The following PTPRG variants were observed in gnomAD, a reference collection of about 807,000 sequenced individuals.
The protein encoded by PTPRG is receptor-type tyrosine-protein phosphatase gamma.
Under a neutral mutation model 165.3 loss-of-function variants are expected in PTPRG, and 102 were observed. The observed-to-expected ratio is 0.62, with a 90% CI of 0.53 to 0.73. The LOEUF (loss-of-function observed/expected upper bound fraction) is 0.73. PTPRG is among the 30% of genes least tolerant of loss of function. PTPRG has a pLI of 0.00. For synonymous variants in PTPRG, 675 were observed against 669.5 expected, an observed-to-expected ratio of 1.01 and a Z score of -0.13; for missense variants, 1,866 against 1,861.4, an observed-to-expected ratio of 1.00 and a Z score of -0.05.
chr3:61,742,749 A>C, intron 1 of PTPRG: 1 of 1,611,412 alleles, frequency 6.2e-7, no homozygotes, highest in South Asian at 1.1e-5. Context: ...GGATTCGTGG[A>C]ATCTGCTTGA....
At chr3:61,990,663 T>C (rs1237099761) in intron 3 of PTPRG, among the ~76,000 whole-genome samples, 6 of 152,240 alleles carry the variant, frequency 3.9e-5, no homozygotes, top group Admixed American at 3.9e-4. Context: ...GTTCTGTTGA[T>C]GCCTAAAGAT....
At chr3:61,960,668 G>A (rs541933756) in intron 2 of PTPRG, among the ~76,000 whole-genome samples, 2 of 152,142 alleles carry the variant, frequency 1.3e-5, no homozygotes, top group South Asian at 2.1e-4. Flanking sequence ...GGGGTTTTTT[G>A]ATGAGTAGGT....
At chr3:61,915,677 CTATTT>C (rs1559686404) in intron 2 of PTPRG, among the ~76,000 whole-genome samples, 3 of 151,464 alleles carry the variant, frequency 2.0e-5, no homozygotes, top group Non-Finnish European at 4.4e-5. Context: ...TTTCTTCTTT[CTATTT>C]TATTTTTTTG....
intron 2 of PTPRG, chr3:61,771,087 G>C (rs137975247): frequency 2.0e-5 from 3 of 152,200 alleles, no homozygotes; most frequent in East Asian, 3.9e-4. Context: ...GGAGTGGTCC[G>C]CAAGGTGAGG....
At chr3:61,723,032 T>G (rs1403285704) in intron 1 of PTPRG, among the ~76,000 whole-genome samples, 2 of 152,154 alleles carry the variant, frequency 1.3e-5, no homozygotes, top group African/African-American at 4.8e-5. Context: ...GACCCAACCC[T>G]AGGTTAGAAC....
At chr3:61,727,466 A>G (rs2106817270) in intron 1 of PTPRG, among the ~76,000 whole-genome samples, 1 of 152,360 alleles carries the variant, frequency 6.6e-6, no homozygotes, top group Non-Finnish European at 1.5e-5. Flanking sequence ...TCAAAAAGTT[A>G]AAACCATGGA....
At position 62,269,304 on chromosome 3, in the gene PTPRG, T is replaced by G; in HGVS notation, c.3009+135T>G. The G allele has an allele frequency of 3.2e-6, 3 of 934,496 alleles. No individual in the cohort carries two copies. The South Asian group carries it at 7.5e-5, about 23-fold the overall frequency. 57.9% of individuals were successfully genotyped at this position (934,496 alleles called of 1,614,324 possible). A position where few individuals can be genotyped will look rare whatever the true frequency, so the allele number is the denominator to read the frequency against. On this transcript the variant is annotated intron_variant, in intron 20 of 29. Coordinates refer to ENST00000474889, the MANE Select transcript of PTPRG (RefSeq NM_002841.4). ...TTTTTAAAACATTTTTTCATAACTC[T>G]TTTGATTGACATCAGTGTATGGTGT... is the stretch of plus-strand genomic sequence containing the variant.
intron 4 of PTPRG, among the ~76,000 whole-genome samples, chr3:62,020,669 A>C (rs2041667962): frequency 6.6e-6 from 1 of 152,118 alleles, no homozygotes; most frequent in South Asian, 2.1e-4. Flanking sequence ...CCAGGCCAGC[A>C]GCAAGTACTT....
chr3:62,231,328 C>A lies in PTPRG; in HGVS notation c.2375+17C>A. The A allele has an allele frequency of 6.5e-7, 1 of 1,546,224 alleles. No homozygotes were observed. Among genetic ancestry groups the A allele is most frequent in the Non-Finnish European group, 8.7e-7 (1 of 1,147,702 alleles). On this transcript the variant is annotated intron_variant, in intron 14 of 29. Coordinates refer to ENST00000474889, the MANE Select transcript of PTPRG (RefSeq NM_002841.4). The stretch of plus-strand genomic sequence containing the variant: ...GGGGAGCAGGTGAGGGGCGGTCAAG[C>A]TTAAGTGGGGGGCGTCTTGATGGCC...
At chr3:61,624,667 ACTTAACCT>A (rs1326389735) in intron 1 of PTPRG, among the ~76,000 whole-genome samples, 1 of 152,200 alleles carries the variant, frequency 6.6e-6, no homozygotes, top group Non-Finnish European at 1.5e-5. Context: ...AGTTCCTGAT[ACTTAACCT>A]CAGGTTCTGC....
At chr3:61,790,583 A>G (rs2034841127) in intron 2 of PTPRG, among the ~76,000 whole-genome samples, 1 of 152,206 alleles carries the variant, frequency 6.6e-6, no homozygotes, top group African/African-American at 2.4e-5. Flanking sequence ...ATAAGTTTAT[A>G]GATGTATACT....
At position 61,706,774 on chromosome 3, in the gene PTPRG, G is replaced by A. The variant is rs540317040; in HGVS notation, c.86-42104G>A. ...CAAAGTGTTGGGATTACAGGGGTGAGCCACTGTGCCCGGCCAGTATTATTA... is the reference window on the plus strand; with the variant it reads ...CAAAGTGTTGGGATTACAGGGGTGAACCACTGTGCCCGGCCAGTATTATTA... On this transcript the variant is annotated intron_variant, in intron 1 of 29. Coordinates refer to ENST00000474889, the MANE Select transcript of PTPRG (RefSeq NM_002841.4). 1.2e-4 allele frequency among the ~76,000 whole-genome samples: 18 copies of A among 152,208 alleles called. No individual in the cohort carries two copies. In the South Asian group the frequency reaches 3.7e-3, roughly 32 times the overall value.
intron 28 of PTPRG, among the ~76,000 whole-genome samples, chr3:62,291,632 C>CA (rs940281886): frequency 6.6e-6 from 1 of 151,964 alleles, no homozygotes; most frequent in Non-Finnish European, 1.5e-5. Context: ...TTAAGTTTTT[C>CA]AAAAAACAAT....
At chr3:62,156,578 T>A (rs1205302967) in intron 6 of PTPRG, among the ~76,000 whole-genome samples, 1 of 152,230 alleles carries the variant, frequency 6.6e-6, no homozygotes, top group Non-Finnish European at 1.5e-5. Flanking sequence ...TGCATGTTAC[T>A]GGTGACTTAC....
At chr3:62,152,407 G>C (rs1219356204) in intron 6 of PTPRG, among the ~76,000 whole-genome samples, 1 of 152,122 alleles carries the variant, frequency 6.6e-6, no homozygotes, top group Non-Finnish European at 1.5e-5. Context: ...TACGTTTTCA[G>C]CTGAAAAGTG....
At chr3:61,843,106 G>T (rs1027006174) in intron 2 of PTPRG, among the ~76,000 whole-genome samples, 6 of 152,056 alleles carry the variant, frequency 3.9e-5, no homozygotes, top group Non-Finnish European at 8.8e-5. Context: ...GTTTCATATT[G>T]ATTCATTCTG....
intron 5 of PTPRG, among the ~76,000 whole-genome samples, chr3:62,101,088 C>T (rs1032059662): frequency 6.6e-6 from 1 of 152,128 alleles, no homozygotes; most frequent in African/African-American, 2.4e-5. Context: ...GGGTTTGCTT[C>T]AGCATAATTG....
intron 2 of PTPRG, among the ~76,000 whole-genome samples, chr3:61,888,997 G>C (rs150758720): frequency 0.011 from 1,609 of 152,310 alleles, 21 homozygotes; most frequent in South Asian, 0.022. Context: ...GTTTTTCTCA[G>C]TGCATATCAG....
chr3:61,887,162 A>ATATATATATT (rs2038071999), intron 2 of PTPRG, among the ~76,000 whole-genome samples: 9 of 89,208 alleles, frequency 1.0e-4, no homozygotes, highest in South Asian at 3.3e-4. Context: ...ATATATATAT[A>ATATATATATT]TATATATATT....
Sources: allele counts gnomAD v4.1 joint callset (sites outside exome capture counted in the v4.1 genomes callset), GRCh38; gene constraint gnomAD v4.1.1; transcripts MANE v1.5; gene names NCBI Gene and HGNC (gene_info 2026-07-23, HGNC 2026-07-21).